Variants in ZNF501 observed in about 807,000 individuals in gnomAD.
ZNF501 encodes zinc finger protein 501, also known as zinc finger protein 52.
In ZNF501, 7 loss-of-function variants were observed where a neutral mutation model predicts 5.7. The observed-to-expected ratio is 1.24, with a 90% CI of 0.70 to 2.32. The LOEUF (loss-of-function observed/expected upper bound fraction) is 2.32, where lower values mean the gene tolerates loss of function less well. Among genes scored for constraint, ZNF501 ranks in the 30% most tolerant of loss-of-function variants. The pLI, the probability that ZNF501 is intolerant of heterozygous loss-of-function variation, is 0.00. For missense variants in ZNF501, 352 were observed against 321.1 expected (o/e 1.10, Z -0.73); for synonymous variants, 107 against 101.9 (o/e 1.05, Z -0.30).
At chr3:44,731,374 A>G (rs1326372833) in intron 1 of ZNF501, 102 bp from the exon 2 acceptor site, 2 of 152,204 alleles carry the variant, frequency 1.3e-5, no homozygotes, top group African/African-American at 2.4e-5. Context: ...TGAACTTAAA[A>G]TGGTCATTTG....
rs761309811 is a variant in ZNF501 at position 44,736,630 on chromosome 3, G to T, written c.*1393G>T. 3 of 167,070 alleles carry T rather than the reference G, an allele frequency of 1.8e-5. No individual in the cohort carries two copies. Among genetic ancestry groups the T allele is most frequent in the Non-Finnish European group, 4.4e-5 (3 of 68,136 alleles). 10.3% of individuals were successfully genotyped at this position (167,070 alleles called of 1,614,324 possible). A position where few individuals can be genotyped will look rare whatever the true frequency, so the allele number is the denominator to read the frequency against. On this transcript the variant is annotated 3_prime_UTR_variant, in exon 3 of 3. Coordinates refer to ENST00000620116, the MANE Select transcript of ZNF501 (RefSeq NM_001258280.2). ...GATCCGCCTGCCTCAGCCTCCCAAAGTGCTGGGATTACAGGTGTGAGTCAC... is the reference window on the plus strand; with the variant it reads ...GATCCGCCTGCCTCAGCCTCCCAAATTGCTGGGATTACAGGTGTGAGTCAC...
At chr3:44,730,302 C>T (rs1291862156) in intron 1 of ZNF501, among the ~76,000 whole-genome samples, 1 of 152,172 alleles carries the variant, frequency 6.6e-6, no homozygotes, top group Non-Finnish European at 1.5e-5. Context: ...TCCTGGAGCC[C>T]ATGCCATACT....
chr3:44,736,065 A>G lies in ZNF501; in HGVS notation c.*828A>G, dbSNP rs1219421856. The G allele has an allele frequency of 6.0e-6, 1 of 167,050 alleles. No homozygotes were observed. Among genetic ancestry groups the G allele is most frequent in the Non-Finnish European group, 1.5e-5 (1 of 68,118 alleles). The allele number at this position is 167,050 out of a possible 1,614,324, so 10.3% of individuals were successfully genotyped here. On this transcript the variant is annotated 3_prime_UTR_variant, in exon 3 of 3. Transcript: ENST00000620116. ...TGAGGATGTGGCTGTATTTGTTTTGAGTTCTAGGAGCACAGCACCAAATGT... is the reference window on the plus strand; with the variant it reads ...TGAGGATGTGGCTGTATTTGTTTTGGGTTCTAGGAGCACAGCACCAAATGT...
chr3:44,733,210 T>C (rs1019611269), intron 2 of ZNF501, among the ~76,000 whole-genome samples: 1 of 152,144 alleles, frequency 6.6e-6, no homozygotes, highest in African/African-American at 2.4e-5. Flanking sequence ...CAGACAAAAA[T>C]GGGCCTCAGA....
chr3:44,735,816 C>T lies in ZNF501; in HGVS notation c.*579C>T, dbSNP rs577247787. The T allele has an allele frequency of 6.0e-6, 1 of 166,732 alleles. No homozygotes were observed. Among genetic ancestry groups the T allele is most frequent in the South Asian group, 2.1e-4 (1 of 4,822 alleles). 10.3% of individuals were successfully genotyped at this position (166,732 alleles called of 1,614,324 possible). ...TGTGGGGTGTATTTCTGGATACCCT[C>T]AAGATCTTCATTTAAATTTTGATAC... On this transcript the variant is annotated 3_prime_UTR_variant, in exon 3 of 3. Transcript: ENST00000620116.
At position 44,729,720 on chromosome 3, in the gene ZNF501, A is replaced by C. The variant is rs547474312; in HGVS notation, c.-606A>C. On this transcript the variant is annotated 5_prime_UTR_variant, in exon 1 of 3. The change abolishes an upstream ATG in the 5' untranslated region. Transcript: ENST00000620116. ...CCGCGGGGAGCGCCGCGGGAAGCGC[A>C]TGGTGAGCGGTTTCTGCTGTGCCCG... 2 of 151,152 alleles carry C rather than the reference A, an allele frequency of 1.3e-5. No individual in the cohort carries two copies. The highest frequency in any genetic ancestry group is 3.0e-5 in the Non-Finnish European group (2 of 67,540). The allele number at this position is 151,152 out of a possible 1,614,324, so 9.4% of individuals were successfully genotyped here.
chr3:44,730,674 T>G (rs1704599315), intron 1 of ZNF501, among the ~76,000 whole-genome samples: 1 of 152,200 alleles, frequency 6.6e-6, no homozygotes, highest in Non-Finnish European at 1.5e-5. Flanking sequence ...AACCTTTCCC[T>G]TATGAAGAGT....
Position 44,735,303 on chromosome 3 carries a change from A to T in ZNF501, c.*66A>T. The T allele has an allele frequency of 7.5e-7, 1 of 1,330,010 alleles. No homozygotes were observed. The highest frequency in any genetic ancestry group is 1.0e-6 in the Non-Finnish European group (1 of 971,220). 82.4% of individuals were successfully genotyped at this position (1,330,010 alleles called of 1,614,324 possible). A position where few individuals can be genotyped will look rare whatever the true frequency, so the allele number is the denominator to read the frequency against. On this transcript the variant is annotated 3_prime_UTR_variant, in exon 3 of 3. Transcript: ENST00000620116. ...CACCTTTTTTTTCTCCTAAATTCCT[A>T]GGAATGTAAGACTCAATCTGTAGCT...
At position 44,735,398 on chromosome 3, in the gene ZNF501, C is replaced by T; in HGVS notation, c.*161C>T. ...TGTGTCCTAGTCTGGAGTTTGATGC[C>T]TTATCTGCTGCTCAGTGGGTGTAAC... is the stretch of plus-strand genomic sequence containing the variant. On this transcript the variant is annotated 3_prime_UTR_variant, in exon 3 of 3. Coordinates refer to ENST00000620116, the MANE Select transcript of ZNF501 (RefSeq NM_001258280.2). 1.6e-6 allele frequency: 1 copy of T among 630,324 alleles called. No homozygotes were observed. Among genetic ancestry groups the T allele is most frequent in the Non-Finnish European group, 2.7e-6 (1 of 372,682 alleles). The allele number at this position is 630,324 out of a possible 1,614,324, so 39.0% of individuals were successfully genotyped here.
In ZNF501 at chr3:44,734,646, G is replaced by A; in HGVS notation, c.225G>A (p.Glu75=). 1 of 1,614,138 alleles carries A rather than the reference G, an allele frequency of 6.2e-7. No homozygotes were observed. Among genetic ancestry groups the A allele is most frequent in the Non-Finnish European group, 8.5e-7 (1 of 1,180,006 alleles). ...AACATCTGAGAATTCATACCGGAGA[G>A]AAACCTTATAAATGTAATGAATGTG... ...LTQHLRIHTG[E]KPYKCNECEK... The change falls in exon 3 of 3, where the codon GAG becomes GAA. Residue 75 remains glutamate (E), a synonymous_variant. Transcript: ENST00000620116.
In ZNF501 at chr3:44,734,414, C is replaced by G. The variant is rs747486640; in HGVS notation, c.-8C>G. ...ACTTGTAAGTATGAATTTGGTGTTACAAGCAGCATGAATTCCAGCCAAATA... is the reference window on the plus strand; with the variant it reads ...ACTTGTAAGTATGAATTTGGTGTTAGAAGCAGCATGAATTCCAGCCAAATA... On this transcript the variant is annotated 5_prime_UTR_variant, in exon 3 of 3. Coordinates refer to ENST00000620116, the MANE Select transcript of ZNF501 (RefSeq NM_001258280.2). The G allele has an allele frequency of 1.2e-6, 2 of 1,608,126 alleles. No individual in the cohort carries two copies. Among genetic ancestry groups the G allele is most frequent in the Admixed American group, 1.7e-5 (1 of 59,456 alleles).
chr3:44,730,433 A>T (rs1314178846), intron 1 of ZNF501, among the ~76,000 whole-genome samples: 2 of 152,212 alleles, frequency 1.3e-5, no homozygotes, highest in African/African-American at 4.8e-5. Context: ...ATTTTCCCAC[A>T]AGGAAGAGGT....
In ZNF501 at chr3:44,734,521, A is replaced by G. The variant is rs1419181457; in HGVS notation, c.100A>G (p.Arg34Gly). 3 of 1,614,112 alleles carry G rather than the reference A, an allele frequency of 1.9e-6. No individual in the cohort carries two copies. In the Admixed American group the frequency reaches 5.0e-5, roughly 27 times the overall value. The change falls in exon 3 of 3, where the codon AGA becomes GGA. Residue 34 changes from arginine (R) to glycine (G), a missense_variant. Coordinates refer to ENST00000620116, the MANE Select transcript of ZNF501 (RefSeq NM_001258280.2). The part of the protein sequence containing the change: ...CSECGKFFTQ[R>G]SSLTQHQRIH... ...TGAATGTGGGAAGTTCTTTACTCAG[A>G]GATCATCTCTTACCCAGCACCAGAG...
chr3:44,734,318 G>A lies in ZNF501; in HGVS notation c.-104G>A. 2 of 931,668 alleles carry A rather than the reference G, an allele frequency of 2.1e-6. No individual in the cohort carries two copies. The highest frequency in any genetic ancestry group is 3.3e-6 in the Non-Finnish European group (2 of 615,148). 57.7% of individuals were successfully genotyped at this position (931,668 alleles called of 1,614,324 possible). A position where few individuals can be genotyped will look rare whatever the true frequency, so the allele number is the denominator to read the frequency against. ...AGCAATGCATGTGTGATGTGTGTGA[G>A]CACACACACACAGTAACCTTTCCTA... On this transcript the variant is annotated 5_prime_UTR_variant, in exon 3 of 3. Transcript: ENST00000620116.
intron 2 of ZNF501, chr3:44,731,996 C>T (rs1704622725): frequency 6.6e-6 from 1 of 152,162 alleles, no homozygotes; most frequent in South Asian, 2.1e-4. Flanking sequence ...ATGTTTAGAA[C>T]AAGAGCTTAA....
In ZNF501 at chr3:44,736,818, G is replaced by A. The variant is rs1704708748; in HGVS notation, c.*1581G>A. On this transcript the variant is annotated 3_prime_UTR_variant, in exon 3 of 3. Transcript: ENST00000620116. ...TAGAGGTTTTGCCCATTTTTAATTG[G>A]ATTGCTCATTTTCTTATTGTTGAAT... 6.0e-6 allele frequency: 1 copy of A among 166,780 alleles called. No individual in the cohort carries two copies. Among genetic ancestry groups the A allele is most frequent in the African/African-American group, 2.4e-5 (1 of 41,404 alleles). 10.3% of individuals were successfully genotyped at this position (166,780 alleles called of 1,614,324 possible).
rs778493236 is a variant in ZNF501 at position 44,734,611 on chromosome 3, A to G, written c.190A>G (p.Asn64Asp). Residue 64 changes from asparagine (N) to aspartate (D), a missense_variant, in exon 3 of 3, where the codon AAT becomes GAT. By Grantham distance (23) the Asn-to-Asp change is conservative (BLOSUM62 1). Coordinates refer to ENST00000620116, the MANE Select transcript of ZNF501 (RefSeq NM_001258280.2). ...ECGSCFRKQS[N>D]LTQHLRIHTG... ...TGGAAGTTGTTTCCGTAAACAGTCAAATCTTACTCAACATCTGAGAATTCA... is the reference window on the plus strand; with the variant it reads ...TGGAAGTTGTTTCCGTAAACAGTCAGATCTTACTCAACATCTGAGAATTCA... 44 of 1,614,032 alleles carry G rather than the reference A, an allele frequency of 2.7e-5. No individual in the cohort carries two copies. In the East Asian group the frequency reaches 9.6e-4, roughly 35 times the overall value.
At chr3:44,730,991 A>G (rs1475445620) in intron 1 of ZNF501, among the ~76,000 whole-genome samples, 2 of 152,246 alleles carry the variant, frequency 1.3e-5, no homozygotes, top group East Asian at 3.8e-4. Context: ...TTTAAATATT[A>G]TCTAGCTTTT....
In ZNF501 at chr3:44,734,457, T is replaced by C. The variant is rs1407980762; in HGVS notation, c.36T>C (p.His12=). 1 of 1,613,714 alleles carries C rather than the reference T, an allele frequency of 6.2e-7. No individual in the cohort carries two copies. The highest frequency in any genetic ancestry group is 1.7e-5 in the Admixed American group (1 of 59,988). ...GCCAAATATCACTCAGAATGAAACA[T>C]GGGAGAGTTAACATGCAGAAGAAAC... ...NSSQISLRMK[H]GRVNMQKKPS... Residue 12 remains histidine (H), a synonymous_variant, in exon 3 of 3, where the codon CAT becomes CAC. Transcript: ENST00000620116.
Sources: gnomAD v4.1 joint callset for allele counts (sites outside exome capture counted in the v4.1 genomes callset) on GRCh38, gnomAD v4.1.1 for gene constraint, MANE v1.5 for transcripts, NCBI Gene and HGNC (gene_info 2026-07-23, HGNC 2026-07-21) for gene names.